The following CLEC12A variants were observed in gnomAD, a reference collection of about 807,000 sequenced individuals.
CLEC12A encodes the protein C-type lectin protein CLL-1.
A neutral mutation model predicts 26.5 loss-of-function variants in CLEC12A; 22 were observed. The ratio of observed to expected loss-of-function variants is 0.83; its 90% CI spans 0.59 to 1.19. CLEC12A has a LOEUF of 1.19. Ranked by LOEUF, CLEC12A falls within the 50% of genes most tolerant of loss-of-function variation. The pLI, the probability that CLEC12A is intolerant of heterozygous loss-of-function variation, is 0.00. For synonymous variants in CLEC12A, 119 were observed against 101.9 expected, an observed-to-expected ratio of 1.17 and a Z score of -1.01; for missense variants, 353 against 315.6, an observed-to-expected ratio of 1.12 and a Z score of -0.90.
chr12:9,988,342 T>A (rs1030039877), downstream of CLEC12A, among the ~76,000 whole-genome samples: 2 of 152,002 alleles, frequency 1.3e-5, no homozygotes. Flanking sequence ...AGCAATGGCA[T>A]CAAAAGCCAA....
Position 9,971,635 on chromosome 12 carries a change from G to T in CLEC12A, c.39G>T (p.Gln13His). 6.2e-7 allele frequency: 1 copy of T among 1,610,112 alleles called. No individual in the cohort carries two copies. Among genetic ancestry groups the T allele is most frequent in the South Asian group, 1.1e-5 (1 of 90,292 alleles). ...EEVTYADLQF[Q>H]NSSEMEKIPE... ...TTACTTATGCAGATCTTCAATTCCA[G>T]AACTCCAGTGAGATGGAAAAAATCC... is the stretch of plus-strand genomic sequence containing the variant. Residue 13 changes from glutamine to histidine, a missense_variant, in exon 1 of 6, where the codon CAG becomes CAT. By Grantham distance (24) the Gln-to-His change is conservative. Transcript: ENST00000304361.
chr12:9,980,507 AC>A, intron 3 of CLEC12A, 74 bp from the exon 4 acceptor site: 1 of 1,383,208 alleles, frequency 7.2e-7, no homozygotes. Flanking sequence ...TCAATGTCAC[AC>A]AGAGAGGAAA....
chr12:9,987,325 A>T (rs544783), downstream of CLEC12A, among the ~76,000 whole-genome samples: 87,649 of 151,968 alleles, frequency 0.58, 25,794 homozygotes, highest in East Asian at 0.87. Flanking sequence ...TTTTATTAGC[A>T]TAGGGGTGGC....
intron 4 of CLEC12A, among the ~76,000 whole-genome samples, chr12:9,990,794 TG>T (rs2137223841): frequency 6.6e-6 from 1 of 152,302 alleles, no homozygotes; most frequent in Admixed American, 6.5e-5. Flanking sequence ...ACTAAATTGA[TG>T]CTACAAACTT....
At chr12:9,956,065 C>T (rs1863737873) in intron 1 of CLEC12A, among the ~76,000 whole-genome samples, 1 of 152,176 alleles carries the variant, frequency 6.6e-6, no homozygotes, top group South Asian at 2.1e-4. Context: ...CAACAAAACA[C>T]AAGAAAGCTG....
chr12:9,992,215 A>G (rs1186636986), intron 4 of CLEC12A: 2 of 152,158 alleles, frequency 1.3e-5, no homozygotes, highest in African/African-American at 4.8e-5. Flanking sequence ...GAAAATACTA[A>G]TTAAAGCATT....
chr12:9,994,040 G>A (rs1864967068), intron 4 of CLEC12A, among the ~76,000 whole-genome samples: 2 of 152,080 alleles, frequency 1.3e-5, no homozygotes, highest in African/African-American at 4.8e-5. Flanking sequence ...AGTGGTAAGA[G>A]TTACAAAGAA....
At chr12:9,970,873 A>G (rs765962336), upstream of CLEC12A, among the ~76,000 whole-genome samples, 2 of 152,226 alleles carry the variant, frequency 1.3e-5, no homozygotes, top group African/African-American at 2.4e-5. Context: ...TTTAATGGCA[A>G]AAACCACAAT....
intron 3 of CLEC12A, among the ~76,000 whole-genome samples, chr12:9,980,081 G>C (rs1034235745): frequency 6.6e-6 from 1 of 152,140 alleles, no homozygotes; most frequent in Non-Finnish European, 1.5e-5. Context: ...GTATAGATAG[G>C]TGGGGTTAAT....
At position 9,965,146 on chromosome 12, in the gene CLEC12A, G is replaced by A. The variant is rs189704899; in HGVS notation, c.11-6431G>A. Among the ~76,000 whole-genome samples the A allele has an allele frequency of 3.5e-3, 539 of 152,212 alleles. 5 individuals are homozygous for A. Among genetic ancestry groups the A allele is most frequent in the Non-Finnish European group, 4.1e-3 (279 of 68,018 alleles). ...GGGCCTCTAAAAGTATTAAAGCAGCGGCAGCCACTGCATGCAGACATGAGG... is the reference window on the plus strand; with the variant it reads ...GGGCCTCTAAAAGTATTAAAGCAGCAGCAGCCACTGCATGCAGACATGAGG... On this transcript the variant is annotated intron_variant, in intron 1 of 6. Coordinates refer to the CLEC12A transcript ENST00000355690.
downstream of CLEC12A, among the ~76,000 whole-genome samples, chr12:10,000,625 C>T (rs552655060): frequency 8.5e-5 from 13 of 152,296 alleles, no homozygotes; most frequent in African/African-American, 3.1e-4. Flanking sequence ...TTCAGGGGTT[C>T]CCAATCATAA....
chr12:9,964,258 G>T (rs540617803), intron 1 of CLEC12A, among the ~76,000 whole-genome samples: 58 of 152,256 alleles, frequency 3.8e-4, no homozygotes, highest in African/African-American at 1.3e-3. Flanking sequence ...TAAAGGTGAG[G>T]GCTGTTAAAG....
chr12:9,994,937 T>C (rs1565569942), intron 4 of CLEC12A: 4 of 1,354,392 alleles, frequency 3.0e-6, no homozygotes, highest in East Asian at 3.1e-5. Flanking sequence ...TAAAGGTGGA[T>C]TGTGGCTTAG....
At chr12:9,980,322 C>T (rs1187196747) in intron 3 of CLEC12A, among the ~76,000 whole-genome samples, 1 of 151,568 alleles carries the variant, frequency 6.6e-6, no homozygotes, top group Non-Finnish European at 1.5e-5. Flanking sequence ...CATGTAATCC[C>T]AGCTACTTGG....
At chr12:9,994,174 T>C (rs901158300) in intron 4 of CLEC12A, among the ~76,000 whole-genome samples, 1 of 152,070 alleles carries the variant, frequency 6.6e-6, no homozygotes, top group Non-Finnish European at 1.5e-5. Context: ...GAGATGGTCA[T>C]GGAGTTGTGG....
intron 1 of CLEC12A, among the ~76,000 whole-genome samples, chr12:9,976,573 T>C (rs867421583): frequency 2.6e-5 from 4 of 152,240 alleles, no homozygotes; most frequent in African/African-American, 7.2e-5. Flanking sequence ...TACTGGCTCA[T>C]AGGTGGAAGG....
At chr12:9,980,960 C>A (rs993161367) in intron 4 of CLEC12A, among the ~76,000 whole-genome samples, 1 of 152,134 alleles carries the variant, frequency 6.6e-6, no homozygotes, top group African/African-American at 2.4e-5. Flanking sequence ...TATTACAGGG[C>A]ACCCAGAATC....
upstream of CLEC12A, among the ~76,000 whole-genome samples, chr12:9,967,312 G>A (rs760130784): frequency 3.9e-5 from 6 of 152,014 alleles, no homozygotes; most frequent in Non-Finnish European, 7.4e-5. Context: ...ATGCCTGGAC[G>A]TCAGGCACCT....
intron 1 of CLEC12A, among the ~76,000 whole-genome samples, chr12:9,960,644 AAG>A (rs1863813155): frequency 6.6e-6 from 1 of 152,220 alleles, no homozygotes; most frequent in Non-Finnish European, 1.5e-5. Context: ...ATAAATAGAA[AAG>A]AGAGACTGAA....
Sources: gnomAD v4.1 joint callset for allele counts (sites outside exome capture counted in the v4.1 genomes callset) on GRCh38, gnomAD v4.1.1 for gene constraint, MANE v1.5 for transcripts, NCBI Gene and HGNC (gene_info 2026-07-23, HGNC 2026-07-21) for gene names.